Variants in STS observed in about 807,000 individuals in gnomAD.
STS encodes the protein steryl-sulfatase.
In STS, 7 loss-of-function variants were observed where a neutral mutation model predicts 26.8. That is an observed-to-expected ratio of 0.26 (90% CI 0.15 to 0.49). The LOEUF is 0.49. Among genes scored for constraint, STS ranks in the 20% least tolerant of loss-of-function variants. The pLI is 0.98. For synonymous variants in STS, 199 were observed against 189.4 expected, an observed-to-expected ratio of 1.05 and a Z score of -0.42; for missense variants, 434 against 465.6, an observed-to-expected ratio of 0.93 and a Z score of 0.63.
intron 7 of STS, among the ~76,000 whole-genome samples, chrX:7,293,411 G>A (rs1296751494): frequency 1.8e-5 from 2 of 111,817 alleles, no homozygotes; most frequent in Non-Finnish European, 1.9e-5. Context: ...GGTATGAGTG[G>A]CAGTGCTGGA....
intron 8 of STS, among the ~76,000 whole-genome samples, chrX:7,323,168 C>A (rs1368110267): frequency 9.0e-6 from 1 of 111,159 alleles, no homozygotes; most frequent in Non-Finnish European, 1.9e-5. Context: ...GCTGGTGTAT[C>A]TGTTTCCTAT....
intron 10 of STS, among the ~76,000 whole-genome samples, chrX:7,344,099 T>C (rs1315103755): frequency 8.9e-6 from 1 of 112,379 alleles, no homozygotes; most frequent in Non-Finnish European, 1.9e-5. Flanking sequence ...GTTTGTCTTA[T>C]TTTATAGCTT....
At chrX:7,270,120 G>A (rs1412579881) in intron 6 of STS, among the ~76,000 whole-genome samples, 1 of 111,986 alleles carries the variant, frequency 8.9e-6, no homozygotes, top group Non-Finnish European at 1.9e-5. Context: ...CAAATGGAGC[G>A]CAGGCATGTA....
At chrX:7,203,347 T>TA (rs11405095) in intron 2 of STS, among the ~76,000 whole-genome samples, 35,360 of 110,878 alleles carry the variant, frequency 0.32, 4,310 homozygotes, top group Middle Eastern at 0.47. Flanking sequence ...CAAATTTCTC[T>TA]AAAAAAAGGA....
At chrX:7,295,547 A>G (rs1925622080) in intron 7 of STS, among the ~76,000 whole-genome samples, 1 of 111,272 alleles carries the variant, frequency 9.0e-6, no homozygotes, top group South Asian at 3.8e-4. Context: ...AAACGTCTAT[A>G]ATGGAAAACT....
intron 2 of STS, among the ~76,000 whole-genome samples, chrX:7,209,946 G>C: frequency 9.0e-6 from 1 of 111,426 alleles, no homozygotes; most frequent in Admixed American, 9.6e-5. Context: ...CCCTGCAAAG[G>C]ACATGATCTT....
At chrX:7,164,665 A>G (rs1052883832) in intron 1 of STS, among the ~76,000 whole-genome samples, 1 of 110,239 alleles carries the variant, frequency 9.1e-6, no homozygotes, top group Non-Finnish European at 1.9e-5. Flanking sequence ...CTATTAAACC[A>G]AAAGACACTT....
chrX:7,169,807 C>T (rs930143146), intron 1 of STS, among the ~76,000 whole-genome samples: 2 of 107,284 alleles, frequency 1.9e-5, no homozygotes, highest in African/African-American at 6.9e-5. Flanking sequence ...GTTTGCCCTG[C>T]AGCCTGTTGG....
At chrX:7,239,611 G>A (rs5934740) in intron 2 of STS, among the ~76,000 whole-genome samples, 46,976 of 110,531 alleles carry the variant, frequency 0.43, 7,370 homozygotes, top group African/African-American at 0.52. Context: ...AAAGTTTTTC[G>A]TGCTCTTTTG....
rs1373072915 is a variant in STS at position 7,240,533 on chromosome X, G to GTGTGTATA, written c.-4-12662_-4-12661insGTGTATAT. 3.9e-3 allele frequency among the ~76,000 whole-genome samples: 234 copies of GTGTGTATA among 60,470 alleles called. 4 individuals are homozygous for GTGTGTATA. Among genetic ancestry groups the GTGTGTATA allele is most frequent in the African/African-American group, 0.014 (219 of 15,295 alleles). 52.5% of individuals were successfully genotyped at this position (60,470 alleles called of 115,157 possible). A position where few individuals can be genotyped will look rare whatever the true frequency, so the allele number is the denominator to read the frequency against. ...TGTGTGTGTGTGTGTGTGTGTGTGT[G>GTGTGTATA]TATATATATATATATATATAAAATG... On this transcript the variant is annotated intron_variant, in intron 2 of 10. Coordinates refer to ENST00000674429, the MANE Select transcript of STS (RefSeq NM_001320752.2).
Position 7,350,412 on chromosome X carries a change from C to T in STS, c.*151C>T. ...TATCACCTGAAGGCTTGGGCCAGAG[C>T]TCAACAGCTACTCAACTGGAGGGGT... On this transcript the variant is annotated 3_prime_UTR_variant, in exon 11 of 11. Transcript: ENST00000674429. 2 of 785,355 alleles carry T rather than the reference C, an allele frequency of 2.5e-6. No individual in the cohort carries two copies. The highest frequency in any genetic ancestry group is 3.6e-6 in the Non-Finnish European group (2 of 549,918). 64.7% of individuals were successfully genotyped at this position (785,355 alleles called of 1,213,427 possible).
At position 7,296,830 on chromosome X, in the gene STS, T is replaced by A. The variant is rs886403986; in HGVS notation, c.944-8216T>A. 2.7e-5 allele frequency among the ~76,000 whole-genome samples: 3 copies of A among 112,064 alleles called. No homozygotes were observed. The East Asian group carries it at 8.4e-4, about 31-fold the overall frequency. ...AGGAGGGTAAATCACACATTACGAC[T>A]GCCATTAGGGCAAAGATGGGTTTAA... On this transcript the variant is annotated intron_variant, in intron 7 of 10. Transcript: ENST00000674429.
chrX:7,154,146 G>A (rs766885823), intron 1 of STS, among the ~76,000 whole-genome samples: 59 of 111,841 alleles, frequency 5.3e-4, no homozygotes, highest in African/African-American at 1.8e-3. Context: ...CACAAAGAGG[G>A]GTACCCACTG....
At chrX:7,201,903 G>C (rs1393081338) in intron 2 of STS, among the ~76,000 whole-genome samples, 1 of 110,780 alleles carries the variant, frequency 9.0e-6, no homozygotes, top group Non-Finnish European at 1.9e-5. Context: ...CACCTGTTCT[G>C]TTTTCTAATC....
At chrX:7,274,284 G>A (rs1181736836) in intron 6 of STS, among the ~76,000 whole-genome samples, 2 of 111,382 alleles carry the variant, frequency 1.8e-5, no homozygotes, top group African/African-American at 6.5e-5. Context: ...AGTGGGCAGT[G>A]AGGCAGGGGC....
chrX:7,205,654 T>C (rs1264739953), intron 2 of STS, among the ~76,000 whole-genome samples: 1 of 106,373 alleles, frequency 9.4e-6, no homozygotes, highest in Non-Finnish European at 1.9e-5. Context: ...TTTTTTTTTT[T>C]TTGAGACAGT....
intron 10 of STS, among the ~76,000 whole-genome samples, chrX:7,345,325 T>C (rs138337716): frequency 1.3e-3 from 142 of 111,830 alleles, no homozygotes; most frequent in Middle Eastern, 4.6e-3. Context: ...TATTAGTCTA[T>C]GTGTAAGTGT....
chrX:7,148,206 C>A, intron 1 of STS, 123 bp downstream of exon 1: 1 of 536,766 alleles, frequency 1.9e-6, no homozygotes, highest in South Asian at 4.5e-5. Context: ...TCTCGCGCGC[C>A]CGGGGTCGCT....
At chrX:7,176,563 A>T (rs764303905) in intron 1 of STS, among the ~76,000 whole-genome samples, 23 of 111,904 alleles carry the variant, frequency 2.1e-4, no homozygotes, top group Non-Finnish European at 3.0e-4. Flanking sequence ...TAATTTATAA[A>T]GAAAAGAGGT....
Sources: allele counts gnomAD v4.1 joint callset (sites outside exome capture counted in the v4.1 genomes callset), GRCh38; gene constraint gnomAD v4.1.1; transcripts MANE v1.5; gene names NCBI Gene and HGNC (gene_info 2026-07-23, HGNC 2026-07-21).